COG5: variants seen among roughly 807,000 people sequenced by gnomAD.
The protein encoded by COG5 is conserved oligomeric Golgi complex subunit 5.
A neutral mutation model predicts 110.4 loss-of-function variants in COG5; 86 were observed. The observed-to-expected ratio is 0.78, with a 90% CI of 0.65 to 0.93. The LOEUF is 0.93. Among genes scored for constraint, COG5 ranks in the 40% least tolerant of loss-of-function variants. The probability of loss-of-function intolerance (pLI) is 0.00; values close to 1 mark genes in which losing one functional copy is unlikely to be tolerated. For missense variants in COG5, 1,077 were observed against 987.0 expected, an observed-to-expected ratio of 1.09 and a Z score of -1.22; for synonymous variants, 360 against 334.6, an observed-to-expected ratio of 1.08 and a Z score of -0.83.
chr7:107,249,709 T>C (rs543015710), intron 16 of COG5, among the ~76,000 whole-genome samples: 14 of 144,468 alleles, frequency 9.7e-5, no homozygotes, highest in South Asian at 4.2e-4. Flanking sequence ...TGTGTGTGTG[T>C]GTGTGTGTGT....
At chr7:107,354,606 G>A (rs1231492474) in intron 10 of COG5, among the ~76,000 whole-genome samples, 1 of 152,168 alleles carries the variant, frequency 6.6e-6, no homozygotes, top group Non-Finnish European at 1.5e-5. Context: ...AACCTAGGAG[G>A]CGGAGGTTGC....
intron 21 of COG5, among the ~76,000 whole-genome samples, chr7:107,205,999 C>T (rs994723068): frequency 3.3e-5 from 5 of 150,182 alleles, no homozygotes; most frequent in African/African-American, 1.2e-4. Flanking sequence ...CTTGCTCTGT[C>T]GCCCAGGCTG....
intron 1 of COG5, among the ~76,000 whole-genome samples, chr7:107,559,702 G>A (rs1803623271): frequency 6.6e-6 from 1 of 152,164 alleles, no homozygotes; most frequent in African/African-American, 2.4e-5. Context: ...TTAAGTCTGA[G>A]AACCACATTT....
chr7:107,435,890 T>C (rs1794334395), intron 6 of COG5, among the ~76,000 whole-genome samples: 1 of 152,154 alleles, frequency 6.6e-6, no homozygotes, highest in Admixed American at 6.5e-5. Flanking sequence ...GTGGAAGCAA[T>C]TCAAATGTAC....
At chr7:107,249,522 G>A (rs919284127) in intron 16 of COG5, among the ~76,000 whole-genome samples, 8 of 151,982 alleles carry the variant, frequency 5.3e-5, no homozygotes, top group African/African-American at 1.7e-4. Flanking sequence ...AATCAAAAAT[G>A]TAAATATATT....
chr7:107,459,346 T>A (rs866950076), intron 6 of COG5, among the ~76,000 whole-genome samples: 11 of 151,988 alleles, frequency 7.2e-5, no homozygotes, highest in Admixed American at 7.2e-4. Context: ...AAGACATGTA[T>A]TTCATAGCAA....
chr7:107,356,718 GAACA>G (rs1812655196), intron 10 of COG5, among the ~76,000 whole-genome samples: 1 of 151,854 alleles, frequency 6.6e-6, no homozygotes, highest in Non-Finnish European at 1.5e-5. Flanking sequence ...ATTAATTTCT[GAACA>G]AATATTATAG....
chr7:107,462,610 C>CT (rs1452537168), intron 6 of COG5, among the ~76,000 whole-genome samples: 89 of 53,298 alleles, frequency 1.7e-3, no homozygotes, highest in African/African-American at 0.013. Context: ...AGAAAAATGC[C>CT]TAAAAAAAAA....
At chr7:107,509,416 G>T (rs567579645) in intron 6 of COG5, among the ~76,000 whole-genome samples, 1 of 152,316 alleles carries the variant, frequency 6.6e-6, no homozygotes, top group East Asian at 1.9e-4. Context: ...CCAAGTCTAC[G>T]TCTGATTGGT....
chr7:107,289,541 G>T (rs980243032), intron 12 of COG5, among the ~76,000 whole-genome samples: 5 of 152,112 alleles, frequency 3.3e-5, no homozygotes, highest in African/African-American at 1.2e-4. Context: ...GAACTCAGCT[G>T]AGATTCTGAT....
At chr7:107,318,509 C>T (rs1584670726) in intron 11 of COG5, among the ~76,000 whole-genome samples, 1 of 152,306 alleles carries the variant, frequency 6.6e-6, no homozygotes, top group East Asian at 1.9e-4. Context: ...ATTGCAACTA[C>T]AGCCATAAAT....
intron 14 of COG5, among the ~76,000 whole-genome samples, chr7:107,261,217 G>C (rs1305563245): frequency 1.3e-5 from 2 of 151,984 alleles, no homozygotes; most frequent in African/African-American, 4.8e-5. Context: ...CAAATTTACA[G>C]AAAGTTACAA....
intron 6 of COG5, among the ~76,000 whole-genome samples, chr7:107,466,218 G>A (rs569243859): frequency 1.1e-4 from 16 of 152,182 alleles, no homozygotes; most frequent in African/African-American, 3.9e-4. Context: ...CCAGAAAACT[G>A]GACATGAAGG....
chr7:107,298,207 A>G lies in COG5; in HGVS notation c.1248T>C (p.Tyr416=), dbSNP rs749787793. ...CATCTTCCATGTGTTGTAGGTCAAC[A>G]TAGAGGTCTGTAGTTCCACTTGCAT... is the stretch of plus-strand genomic sequence containing the variant. ...NFNASGTTDL[Y]VDLQHMEDDA... is the part of the protein sequence containing the mutation. The change falls in exon 12 of 22, where the codon TAT becomes TAC. Residue 416 remains tyrosine (Y), a synonymous_variant. Transcript: ENST00000297135. 5 of 1,613,716 alleles carry G rather than the reference A, an allele frequency of 3.1e-6. No homozygotes were observed. Among genetic ancestry groups the G allele is most frequent in the East Asian group, 2.2e-5 (1 of 44,824 alleles).
At position 107,503,669 on chromosome 7, in the gene COG5, G is replaced by A. The variant is rs367574843; in HGVS notation, c.538+23568C>T. Reference sequence around the variant, plus strand: ...GTTTCCATTTGTTTGTGTCATCCACGTTTTCTTTCAGCAGTTTTGTAGTTC... The same window carrying A: ...GTTTCCATTTGTTTGTGTCATCCACATTTTCTTTCAGCAGTTTTGTAGTTC... On this transcript the variant is annotated intron_variant, in intron 6 of 21. Transcript: ENST00000297135. Among the ~76,000 whole-genome samples, 57 of 152,126 alleles carry A rather than the reference G, an allele frequency of 3.7e-4. 1 individual carries two copies. Among genetic ancestry groups the A allele is most frequent in the African/African-American group, 1.2e-3 (51 of 41,540 alleles).
At chr7:107,261,933 C>T (rs1803393727) in intron 14 of COG5, among the ~76,000 whole-genome samples, 1 of 151,260 alleles carries the variant, frequency 6.6e-6, no homozygotes, top group Admixed American at 6.6e-5. Flanking sequence ...CTCTGTCACC[C>T]AAACTGGAGG....
intron 11 of COG5, among the ~76,000 whole-genome samples, chr7:107,315,131 T>C (rs1584665798): frequency 6.6e-6 from 1 of 151,808 alleles, no homozygotes; most frequent in East Asian, 1.9e-4. Context: ...ATTCACAATA[T>C]GATCTCAACT....
rs1798463623 is a variant in COG5 at position 107,202,984 on chromosome 7, T to TAA, written c.*531_*532insTT. The TAA allele has an allele frequency of 6.5e-6, 1 of 152,908 alleles. No homozygotes were observed. The highest frequency in any genetic ancestry group is 2.0e-4 in the South Asian group (1 of 4,908). The allele number at this position is 152,908 out of a possible 1,614,324, so 9.5% of individuals were successfully genotyped here. A position where few individuals can be genotyped will look rare whatever the true frequency, so the allele number is the denominator to read the frequency against. On this transcript the variant is annotated 3_prime_UTR_variant, in exon 22 of 22. Transcript: ENST00000297135. ...ATCATTTTGGGGATTTTTTTTTTTTTTAATAGTGGTGTCTGTCAGGCTCCC... is the reference window on the plus strand; with the variant it reads ...ATCATTTTGGGGATTTTTTTTTTTTTAATAATAGTGGTGTCTGTCAGGCTCCC...
intron 10 of COG5, 141 bp downstream of exon 10, chr7:107,361,892 T>C: frequency 1.5e-6 from 1 of 648,018 alleles, no homozygotes; most frequent in Non-Finnish European, 2.8e-6. Context: ...AGGAACATTA[T>C]TATAGTTGTC....
Sources: allele counts gnomAD v4.1 joint callset (sites outside exome capture counted in the v4.1 genomes callset), GRCh38; gene constraint gnomAD v4.1.1; transcripts MANE v1.5; gene names NCBI Gene and HGNC (gene_info 2026-07-23, HGNC 2026-07-21).